NPFFR2: variants seen among roughly 807,000 people sequenced by gnomAD.
The protein encoded by NPFFR2 is neuropeptide FF receptor 2.
A neutral mutation model predicts 13.1 loss-of-function variants in NPFFR2; 15 were observed. The ratio of observed to expected loss-of-function variants is 1.15; its 90% CI spans 0.77 to 1.76. The LOEUF is 1.76. Ranked by LOEUF, NPFFR2 falls within the 40% of genes most tolerant of loss-of-function variation. The pLI is 0.00. For missense variants in NPFFR2, 572 were observed against 503.5 expected, an observed-to-expected ratio of 1.14 and a Z score of -1.30; for synonymous variants, 190 against 175.7, an observed-to-expected ratio of 1.08 and a Z score of -0.65.
intron 1 of NPFFR2, among the ~76,000 whole-genome samples, chr4:72,066,345 T>A (rs1033475920): frequency 6.6e-6 from 1 of 152,170 alleles, no homozygotes; most frequent in Non-Finnish European, 1.5e-5. Context: ...TCGTTGGTCA[T>A]TAAGTTTTAA....
At chr4:72,045,684 T>A (rs570372672) in intron 1 of NPFFR2, among the ~76,000 whole-genome samples, 4 of 152,200 alleles carry the variant, frequency 2.6e-5, no homozygotes, top group Non-Finnish European at 5.9e-5. Flanking sequence ...AATCATCTAA[T>A]ACAATACATA....
At chr4:72,132,221 C>G (rs186601771) in intron 2 of NPFFR2, among the ~76,000 whole-genome samples, 1 of 152,038 alleles carries the variant, frequency 6.6e-6, no homozygotes, top group East Asian at 1.9e-4. Flanking sequence ...TCATCATTAG[C>G]TCCCACATAT....
chr4:72,083,440 A>C (rs1358012923), intron 1 of NPFFR2, among the ~76,000 whole-genome samples: 2 of 152,186 alleles, frequency 1.3e-5, no homozygotes, highest in African/African-American at 4.8e-5. Flanking sequence ...CCTGATGATT[A>C]CTGGTGTTTG....
chr4:72,127,087 G>C (rs1002077638), intron 1 of NPFFR2, among the ~76,000 whole-genome samples: 1 of 151,616 alleles, frequency 6.6e-6, no homozygotes, highest in African/African-American at 2.4e-5. Context: ...CAGATCACGA[G>C]GTCAGGAGAT....
chr4:72,132,395 C>T (rs2109838141), intron 2 of NPFFR2, among the ~76,000 whole-genome samples: 1 of 152,238 alleles, frequency 6.6e-6, no homozygotes, highest in South Asian at 2.1e-4. Context: ...TATTCATCTA[C>T]CATTGATGGG....
intron 1 of NPFFR2, among the ~76,000 whole-genome samples, chr4:72,059,062 C>T (rs1479636536): frequency 6.6e-6 from 1 of 152,060 alleles, no homozygotes; most frequent in African/African-American, 2.4e-5. Context: ...GACCATTGTT[C>T]TCCTAGAAAC....
chr4:72,131,259 C>T (rs1173008147), intron 2 of NPFFR2, among the ~76,000 whole-genome samples: 2 of 151,926 alleles, frequency 1.3e-5, no homozygotes, highest in Admixed American at 1.3e-4. Flanking sequence ...AAGGTGGAGT[C>T]CTTGCCAGGG....
chr4:72,114,530 A>G (rs1429984597), intron 1 of NPFFR2, among the ~76,000 whole-genome samples: 1 of 152,138 alleles, frequency 6.6e-6, no homozygotes, highest in African/African-American at 2.4e-5. Context: ...AGGATTTGGC[A>G]AATGTAAATA....
At chr4:72,098,474 A>AT (rs1560410513) in intron 1 of NPFFR2, among the ~76,000 whole-genome samples, 5 of 151,340 alleles carry the variant, frequency 3.3e-5, no homozygotes, top group South Asian at 2.1e-4. Flanking sequence ...TTTTTTTGTC[A>AT]TTTTTTTTCT....
At chr4:72,064,029 A>G (rs967336563) in intron 1 of NPFFR2, among the ~76,000 whole-genome samples, 13 of 152,216 alleles carry the variant, frequency 8.5e-5, no homozygotes, top group Non-Finnish European at 4.4e-5. Flanking sequence ...AAACAAAGGC[A>G]TAGGGATGTG....
intron 1 of NPFFR2, among the ~76,000 whole-genome samples, chr4:72,082,460 C>G (rs1398741115): frequency 6.6e-6 from 1 of 152,068 alleles, no homozygotes; most frequent in East Asian, 1.9e-4. Context: ...AATGACTACT[C>G]TTTGGTCCTC....
intron 1 of NPFFR2, among the ~76,000 whole-genome samples, chr4:72,072,572 G>A (rs1320954444): frequency 6.6e-6 from 1 of 151,988 alleles, no homozygotes; most frequent in Non-Finnish European, 1.5e-5. Flanking sequence ...TGAGTCCTGT[G>A]GGACACCATC....
intron 1 of NPFFR2, among the ~76,000 whole-genome samples, chr4:72,037,026 T>TG (rs1186805944): frequency 1.3e-5 from 2 of 152,128 alleles, no homozygotes; most frequent in East Asian, 3.9e-4. Context: ...AGGTGATACT[T>TG]GCAGCGTTCA....
intron 1 of NPFFR2, among the ~76,000 whole-genome samples, chr4:72,049,321 GA>G (rs1189678072): frequency 2.6e-5 from 4 of 152,062 alleles, no homozygotes; most frequent in African/African-American, 9.7e-5. Context: ...ATCTACAAAG[GA>G]GCATCAACTT....
At chr4:72,057,169 A>T (rs892861527) in intron 1 of NPFFR2, among the ~76,000 whole-genome samples, 7 of 120,950 alleles carry the variant, frequency 5.8e-5, no homozygotes, top group Non-Finnish European at 1.3e-4. Context: ...AATAGAATTT[A>T]AAAATTACCA....
intron 1 of NPFFR2, among the ~76,000 whole-genome samples, chr4:72,058,395 AG>A (rs1719823353): frequency 3.3e-5 from 1 of 30,250 alleles, no homozygotes; most frequent in Admixed American, 3.6e-4. Context: ...CAAAATAAAA[AG>A]TAAAAAAAAA....
At chr4:72,085,308 A>G (rs898129678) in intron 1 of NPFFR2, among the ~76,000 whole-genome samples, 1 of 152,152 alleles carries the variant, frequency 6.6e-6, no homozygotes, top group Non-Finnish European at 1.5e-5. Flanking sequence ...AAATCCTGTG[A>G]AATCTGAGCA....
At chr4:72,088,259 T>G (rs918990932) in intron 1 of NPFFR2, among the ~76,000 whole-genome samples, 4 of 152,068 alleles carry the variant, frequency 2.6e-5, no homozygotes, top group African/African-American at 9.7e-5. Flanking sequence ...CTCACTAATT[T>G]GTGAACTATG....
intron 1 of NPFFR2, among the ~76,000 whole-genome samples, chr4:72,107,450 A>G (rs1456763109): frequency 6.6e-6 from 1 of 151,466 alleles, no homozygotes; most frequent in Non-Finnish European, 1.5e-5. Flanking sequence ...CAACTTTTCC[A>G]GTATTAGTTA....
Sources: gnomAD v4.1 joint callset for allele counts (sites outside exome capture counted in the v4.1 genomes callset) on GRCh38, gnomAD v4.1.1 for gene constraint, MANE v1.5 for transcripts, NCBI Gene and HGNC (gene_info 2026-07-23, HGNC 2026-07-21) for gene names.